TOP6BL: variants seen among roughly 807,000 people sequenced by gnomAD.
The protein encoded by TOP6BL is type 2 DNA topoisomerase 6 subunit B-like.
chr11:66,786,323 C>CT, the TOP6BL span, among the ~76,000 whole-genome samples: 1 of 151,248 alleles, frequency 6.6e-6, no homozygotes, highest in African/African-American at 2.4e-5. Context: ...TTTCTGTTTT[C>CT]TTTTTTTCTC....
At chr11:66,771,401 TC>T in the TOP6BL span, 1 of 152,132 alleles carries the variant, frequency 6.6e-6, no homozygotes, top group Non-Finnish European at 1.5e-5. Context: ...GATCATGAGG[TC>T]AGGAGATTGA....
chr11:66,783,623 C>T, the TOP6BL span, among the ~76,000 whole-genome samples: 1 of 151,466 alleles, frequency 6.6e-6, no homozygotes, highest in African/African-American at 2.4e-5. Flanking sequence ...CTTGTTTTTT[C>T]GAAATTTAGC....
chr11:66,825,111 G>C, the TOP6BL span, among the ~76,000 whole-genome samples: 10 of 151,460 alleles, frequency 6.6e-5, no homozygotes, highest in African/African-American at 2.4e-4. Flanking sequence ...TGATCCACCC[G>C]CCTTGGCCTC....
the TOP6BL span, among the ~76,000 whole-genome samples, chr11:66,808,289 C>A: frequency 6.6e-6 from 1 of 152,136 alleles, no homozygotes; most frequent in South Asian, 2.1e-4. Flanking sequence ...AATCTCAGCA[C>A]TTTGGGAGGC....
At chr11:66,825,596 A>T in the TOP6BL span, among the ~76,000 whole-genome samples, 1 of 152,048 alleles carries the variant, frequency 6.6e-6, no homozygotes, top group Non-Finnish European at 1.5e-5. Context: ...CCTCACCAGA[A>T]CCTGACCATG....
chr11:66,834,362 C>T, the TOP6BL span, among the ~76,000 whole-genome samples: 1 of 152,154 alleles, frequency 6.6e-6, no homozygotes, highest in Non-Finnish European at 1.5e-5. Context: ...GAGTAGAACC[C>T]ATGATTCTCC....
chr11:66,813,911 G>C, the TOP6BL span: 1 of 1,613,830 alleles, frequency 6.2e-7, no homozygotes, highest in South Asian at 1.1e-5. Flanking sequence ...TTGTCAACTT[G>C]GGAGCAGCCG....
At chr11:66,757,732 G>A in the TOP6BL span, among the ~76,000 whole-genome samples, 20 of 152,016 alleles carry the variant, frequency 1.3e-4, no homozygotes, top group African/African-American at 4.1e-4. Flanking sequence ...GATTACAGGC[G>A]CCTGCCACCA....
the TOP6BL span, among the ~76,000 whole-genome samples, chr11:66,794,920 G>A: frequency 1.3e-5 from 2 of 152,088 alleles, no homozygotes; most frequent in Non-Finnish European, 2.9e-5. Flanking sequence ...ATCACCTGAG[G>A]TGAGGAGTTC....
chr11:66,842,210 C>A, the TOP6BL span, among the ~76,000 whole-genome samples: 1 of 152,142 alleles, frequency 6.6e-6, no homozygotes, highest in Non-Finnish European at 1.5e-5. Flanking sequence ...CTCAAAAAAA[C>A]AAAAGGTCAG....
chr11:66,797,222 A>T, the TOP6BL span, among the ~76,000 whole-genome samples: 1 of 150,160 alleles, frequency 6.7e-6, no homozygotes, highest in African/African-American at 2.5e-5. Context: ...CTGGTCTCAA[A>T]CTCCTGACCT....
chr11:66,825,986 C>T, the TOP6BL span, among the ~76,000 whole-genome samples: 6 of 152,062 alleles, frequency 3.9e-5, no homozygotes, highest in East Asian at 1.9e-4. Context: ...GGACTACAGG[C>T]GCCCGCCACC....
the TOP6BL span, chr11:66,828,156 G>A: frequency 1.5e-6 from 1 of 677,320 alleles, no homozygotes; most frequent in Non-Finnish European, 2.6e-6. Flanking sequence ...AACTTTAATG[G>A]CTTGCCTACT....
chr11:66,773,805 C>G, the TOP6BL span, among the ~76,000 whole-genome samples: 1 of 152,028 alleles, frequency 6.6e-6, no homozygotes, highest in Non-Finnish European at 1.5e-5. Context: ...GGAGTGATCT[C>G]AGCTCACTGC....
chr11:66,755,340 C>T, the TOP6BL span, among the ~76,000 whole-genome samples: 73 of 152,182 alleles, frequency 4.8e-4, no homozygotes, highest in Middle Eastern at 3.4e-3. Flanking sequence ...AGGCTGGTGT[C>T]GAACTCCTAA....
the TOP6BL span, among the ~76,000 whole-genome samples, chr11:66,841,117 T>TG: frequency 6.9e-6 from 1 of 143,914 alleles, no homozygotes; most frequent in Admixed American, 6.8e-5. Flanking sequence ...CTCATTTTTT[T>TG]TTTTTTTTTT....
chr11:66,758,310 T>TTTTTTTTC, the TOP6BL span: 1 of 115,038 alleles, frequency 8.7e-6, no homozygotes, highest in Admixed American at 9.7e-5. Flanking sequence ...TTCTTTTTTT[T>TTTTTTTTC]TTTTTTTTTT....
chr11:66,758,049 T>C, the TOP6BL span: 9 of 729,308 alleles, frequency 1.2e-5, no homozygotes, highest in Non-Finnish European at 1.5e-5. Flanking sequence ...TTCTGAGGGA[T>C]AGATATATTT....
At chr11:66,755,569 C>T in the TOP6BL span, among the ~76,000 whole-genome samples, 1 of 152,150 alleles carries the variant, frequency 6.6e-6, no homozygotes, top group East Asian at 1.9e-4. Flanking sequence ...GCTGTCTTTA[C>T]CTGGAAGTGT....
Sources: gnomAD v4.1 joint callset for allele counts (sites outside exome capture counted in the v4.1 genomes callset) on GRCh38, gnomAD v4.1.1 for gene constraint, MANE v1.5 for transcripts, NCBI Gene and HGNC (gene_info 2026-07-23, HGNC 2026-07-21) for gene names.